MARCHF3: variants seen among roughly 807,000 people sequenced by gnomAD.
MARCHF3 encodes the protein E3 ubiquitin-protein ligase MARCHF3.
In MARCHF3, 13 loss-of-function variants were observed where a neutral mutation model predicts 24.2. The ratio of observed to expected loss-of-function variants is 0.54; its 90% CI spans 0.35 to 0.85. MARCHF3 has a LOEUF of 0.85. Ranked by LOEUF, MARCHF3 falls within the 40% of genes least tolerant of loss-of-function variation. The probability of loss-of-function intolerance (pLI) is 0.01; values close to 1 mark genes in which losing one functional copy is unlikely to be tolerated. For missense variants in MARCHF3, 276 were observed against 325.0 expected, an observed-to-expected ratio of 0.85 and a Z score of 1.16; for synonymous variants, 144 against 137.3, an observed-to-expected ratio of 1.05 and a Z score of -0.34.
At chr5:127,004,647 A>C (rs550484559) in intron 1 of MARCHF3, among the ~76,000 whole-genome samples, 45 of 152,292 alleles carry the variant, frequency 3.0e-4, no homozygotes, top group African/African-American at 8.9e-4. Flanking sequence ...TGGGCAAAGA[A>C]GTACATGTAA....
chr5:126,890,302 T>C (rs573416420), intron 3 of MARCHF3, among the ~76,000 whole-genome samples: 75 of 152,076 alleles, frequency 4.9e-4, no homozygotes, highest in Non-Finnish European at 7.4e-4. Flanking sequence ...TTTTTATTAT[T>C]ATACTTTAAG....
chr5:126,890,607 G>C (rs1323000361), intron 3 of MARCHF3, among the ~76,000 whole-genome samples: 12 of 151,942 alleles, frequency 7.9e-5, no homozygotes, highest in Non-Finnish European at 1.8e-4. Context: ...TCCCTACAAA[G>C]GGCATGAACT....
At chr5:127,003,390 C>T (rs1752198454) in intron 1 of MARCHF3, among the ~76,000 whole-genome samples, 1 of 151,220 alleles carries the variant, frequency 6.6e-6, no homozygotes, top group South Asian at 2.1e-4. Flanking sequence ...AAGGCGTGAA[C>T]CCGGGAGGCG....
At chr5:126,974,228 G>A (rs1271548135) in intron 1 of MARCHF3, among the ~76,000 whole-genome samples, 1 of 152,170 alleles carries the variant, frequency 6.6e-6, no homozygotes. Flanking sequence ...GAGGTGCCCA[G>A]AATGAAGAAA....
intron 1 of MARCHF3, among the ~76,000 whole-genome samples, chr5:126,984,077 C>T (rs899340750): frequency 3.3e-5 from 5 of 151,316 alleles, no homozygotes; most frequent in Admixed American, 2.0e-4. Flanking sequence ...TGTGGGATCT[C>T]GCAATTTTAG....
chr5:126,911,935 G>A (rs965776500), intron 3 of MARCHF3, among the ~76,000 whole-genome samples: 1 of 152,184 alleles, frequency 6.6e-6, no homozygotes, highest in African/African-American at 2.4e-5. Context: ...GAGACCAAAA[G>A]ATGTCATGGA....
intron 3 of MARCHF3, among the ~76,000 whole-genome samples, chr5:126,914,230 A>G (rs532825804): frequency 2.6e-5 from 4 of 151,864 alleles, no homozygotes; most frequent in South Asian, 2.1e-4. Context: ...TGATCCGCCC[A>G]CCTCGGCCTC....
intron 1 of MARCHF3, among the ~76,000 whole-genome samples, chr5:127,007,020 C>T (rs1037395895): frequency 6.6e-6 from 1 of 151,634 alleles, no homozygotes; most frequent in African/African-American, 2.4e-5. Context: ...AAAACATTTT[C>T]ATAAAGTCTG....
intron 1 of MARCHF3, among the ~76,000 whole-genome samples, chr5:126,956,513 C>G (rs572379836): frequency 6.6e-6 from 1 of 151,556 alleles, no homozygotes; most frequent in Non-Finnish European, 1.5e-5. Flanking sequence ...GGTGTGGTGG[C>G]GGGCACCTGT....
intron 1 of MARCHF3, among the ~76,000 whole-genome samples, chr5:126,990,135 G>T (rs1488468377): frequency 7.0e-6 from 1 of 143,758 alleles, no homozygotes; most frequent in Non-Finnish European, 1.5e-5. Flanking sequence ...CACACTACCT[G>T]ACTTCAAACT....
At chr5:126,899,136 C>T in intron 3 of MARCHF3, 1 of 985,296 alleles carries the variant, frequency 1.0e-6, no homozygotes, top group Non-Finnish European at 1.2e-6. Flanking sequence ...GCGTTCCTAT[C>T]TCTTCAAGAA....
intron 1 of MARCHF3, among the ~76,000 whole-genome samples, chr5:126,975,888 A>G (rs1751177984): frequency 6.6e-6 from 1 of 152,192 alleles, no homozygotes. Flanking sequence ...TAACTAGAAA[A>G]CAGACCTCAT....
intron 3 of MARCHF3, among the ~76,000 whole-genome samples, chr5:126,895,281 T>C (rs534436242): frequency 5.3e-5 from 8 of 152,262 alleles, no homozygotes; most frequent in Non-Finnish European, 8.8e-5. Flanking sequence ...CAGAGTAATT[T>C]GATCGTCTGA....
At chr5:126,901,117 C>T (rs778960229) in intron 3 of MARCHF3, among the ~76,000 whole-genome samples, 6 of 151,940 alleles carry the variant, frequency 3.9e-5, no homozygotes, top group African/African-American at 1.2e-4. Context: ...CTACAGAATA[C>T]GATAATATCT....
At chr5:126,910,953 G>C (rs1361738008) in intron 3 of MARCHF3, among the ~76,000 whole-genome samples, 3 of 152,190 alleles carry the variant, frequency 2.0e-5, no homozygotes, top group African/African-American at 7.2e-5. Context: ...CTGAGGGTAG[G>C]CCTCTAAAAT....
At chr5:126,881,102 C>G (rs1275117755) in intron 3 of MARCHF3, among the ~76,000 whole-genome samples, 1 of 152,074 alleles carries the variant, frequency 6.6e-6, no homozygotes, top group Non-Finnish European at 1.5e-5. Flanking sequence ...ATTATGATTG[C>G]TTGTTTCCAG....
In MARCHF3 at chr5:126,869,049, T is replaced by A. The variant is rs1752869261; in HGVS notation, c.*1584A>T. 2.6e-5 allele frequency: 4 copies of A among 152,194 alleles called. No individual in the cohort carries two copies. The highest frequency in any genetic ancestry group is 2.6e-4 in the Admixed American group (4 of 15,272). 9.4% of individuals were successfully genotyped at this position (152,194 alleles called of 1,614,324 possible). A position where few individuals can be genotyped will look rare whatever the true frequency, so the allele number is the denominator to read the frequency against. ...ATCTGAGTTTTGCAGCGGAGAGCAG[T>A]ACAGCTGTTTCCCTCCCCAGGCAGC... On this transcript the variant is annotated 3_prime_UTR_variant, in exon 5 of 5. Transcript: ENST00000308660.
chr5:127,024,184 T>C (rs13189409), intron 1 of MARCHF3, among the ~76,000 whole-genome samples: 84,704 of 151,960 alleles, frequency 0.56, 24,421 homozygotes, highest in East Asian at 0.79. Context: ...ATGGATGGAG[T>C]AGGAATGGAT....
intron 1 of MARCHF3, among the ~76,000 whole-genome samples, chr5:126,992,516 A>C (rs1365576182): frequency 6.6e-6 from 1 of 151,866 alleles, no homozygotes; most frequent in Non-Finnish European, 1.5e-5. Flanking sequence ...AAATACAAAA[A>C]CTCCGTTGAG....
Sources: allele counts gnomAD v4.1 joint callset (sites outside exome capture counted in the v4.1 genomes callset), GRCh38; gene constraint gnomAD v4.1.1; transcripts MANE v1.5; gene names NCBI Gene and HGNC (gene_info 2026-07-23, HGNC 2026-07-21).